Variants in RNF121 observed in about 807,000 individuals in gnomAD.
RNF121 encodes the protein E3 ubiquitin ligase RNF121.
RNF121 carries 21 observed loss-of-function variants against 46.5 expected under a neutral mutation model. The ratio of observed to expected loss-of-function variants is 0.45; its 90% CI spans 0.32 to 0.65. The LOEUF is 0.65. RNF121 is among the 30% of genes least tolerant of loss of function. The pLI, the probability that RNF121 is intolerant of heterozygous loss-of-function variation, is 0.04. For missense variants in RNF121, 346 were observed against 416.0 expected (o/e 0.83, Z 1.46); for synonymous variants, 139 against 144.7 (o/e 0.96, Z 0.28).
intron 5 of RNF121, among the ~76,000 whole-genome samples, chr11:71,990,146 T>A (rs1240397896): frequency 6.6e-6 from 1 of 152,196 alleles, no homozygotes; most frequent in African/African-American, 2.4e-5. Context: ...GATTCTGGCA[T>A]GCCCTTTCCT....
intron 3 of RNF121, among the ~76,000 whole-genome samples, chr11:71,979,406 TTCTC>T (rs1308329871): frequency 1.3e-5 from 2 of 152,144 alleles, no homozygotes; most frequent in Non-Finnish European, 1.5e-5. Context: ...TTTTCTCCCT[TTCTC>T]TCTCTCCTCT....
intron 1 of RNF121, among the ~76,000 whole-genome samples, chr11:71,941,229 G>C (rs577499108): frequency 1.3e-5 from 2 of 152,246 alleles, no homozygotes; most frequent in Non-Finnish European, 2.9e-5. Flanking sequence ...TTAGGAGCGA[G>C]ATGATGCGGA....
At chr11:71,957,456 C>T (rs539923276) in intron 2 of RNF121, among the ~76,000 whole-genome samples, 192 bp downstream of exon 2, 81 of 152,276 alleles carry the variant, frequency 5.3e-4, no homozygotes, top group Non-Finnish European at 9.4e-4. Context: ...CAGATGATTG[C>T]ACCAAATCAT....
intron 3 of RNF121, among the ~76,000 whole-genome samples, chr11:71,966,870 G>GT (rs11309406): frequency 5.3e-4 from 70 of 130,888 alleles, no homozygotes; most frequent in African/African-American, 1.7e-3. Flanking sequence ...TGGGTTTTTT[G>GT]TTTTTTTTTT....
At chr11:71,939,379 TC>T (rs1464236088) in intron 1 of RNF121, 1 of 156,650 alleles carries the variant, frequency 6.4e-6, no homozygotes, top group Non-Finnish European at 1.4e-5. Context: ...GTGACATCTT[TC>T]AGATACTTTG....
At chr11:71,938,100 A>T (rs1953464248) in intron 1 of RNF121, among the ~76,000 whole-genome samples, 1 of 152,092 alleles carries the variant, frequency 6.6e-6, no homozygotes, top group African/African-American at 2.4e-5. Flanking sequence ...CCTTTCACAG[A>T]GTGTTATCAA....
intron 2 of RNF121, among the ~76,000 whole-genome samples, chr11:71,959,796 C>T (rs1036250561): frequency 3.0e-4 from 45 of 152,158 alleles, no homozygotes; most frequent in African/African-American, 1.0e-3. Context: ...CCACCACACC[C>T]GGCTAATTTT....
At chr11:71,970,881 C>A (rs1954406338) in intron 3 of RNF121, among the ~76,000 whole-genome samples, 1 of 152,020 alleles carries the variant, frequency 6.6e-6, no homozygotes, top group African/African-American at 2.4e-5. Context: ...GGACAAAATG[C>A]AGATCTCAGA....
At chr11:71,972,228 A>G (rs1954436222) in intron 3 of RNF121, among the ~76,000 whole-genome samples, 1 of 152,208 alleles carries the variant, frequency 6.6e-6, no homozygotes, top group African/African-American at 2.4e-5. Flanking sequence ...TGTGAAGCAC[A>G]TTAGAATGTC....
chr11:71,968,068 C>CTT (rs11377249), intron 3 of RNF121, among the ~76,000 whole-genome samples: 4,022 of 148,610 alleles, frequency 0.027, 173 homozygotes, highest in African/African-American at 0.092. Flanking sequence ...TATGAACGAT[C>CTT]TTTTTTTTTT....
chr11:71,950,090 G>C (rs1469913358), intron 1 of RNF121, among the ~76,000 whole-genome samples: 4 of 152,024 alleles, frequency 2.6e-5, no homozygotes, highest in Non-Finnish European at 5.9e-5. Flanking sequence ...GAATTCTCTA[G>C]CTGTATAGTT....
chr11:71,935,002 A>C (rs1218464261), intron 1 of RNF121, among the ~76,000 whole-genome samples: 1 of 144,354 alleles, frequency 6.9e-6, no homozygotes, highest in Non-Finnish European at 1.5e-5. Flanking sequence ...AGTACAGTAG[A>C]GTGATCTTTG....
In RNF121 at chr11:71,990,451, A is replaced by C. The variant is rs570097798; in HGVS notation, c.507-146A>C. ...CATGGGCCATATAAAAATAGACAGCAGACTGGATTTGGTCATAGTTTGCCC... is the reference window on the plus strand; with the variant it reads ...CATGGGCCATATAAAAATAGACAGCCGACTGGATTTGGTCATAGTTTGCCC... On this transcript the variant is annotated intron_variant, in intron 5 of 8. Coordinates refer to ENST00000361756, the MANE Select transcript of RNF121 (RefSeq NM_018320.5). 2.8e-4 allele frequency: 257 copies of C among 923,638 alleles called. 2 individuals are homozygous for C. The South Asian group carries it at 4.0e-3, about 14-fold the overall frequency. 57.2% of individuals were successfully genotyped at this position (923,638 alleles called of 1,614,324 possible).
At chr11:71,995,867 T>G (rs944760974) in intron 8 of RNF121, among the ~76,000 whole-genome samples, 7 of 152,180 alleles carry the variant, frequency 4.6e-5, no homozygotes, top group African/African-American at 1.7e-4. Context: ...TCCCTGCATG[T>G]TAGTCATGGG....
intron 1 of RNF121, among the ~76,000 whole-genome samples, chr11:71,952,069 G>A (rs1204386198): frequency 6.6e-6 from 1 of 152,188 alleles, no homozygotes; most frequent in Non-Finnish European, 1.5e-5. Context: ...TAGAAACAAT[G>A]CCTACATTCA....
At chr11:71,946,122 G>A (rs973178166) in intron 1 of RNF121, among the ~76,000 whole-genome samples, 1 of 150,658 alleles carries the variant, frequency 6.6e-6, no homozygotes, top group Non-Finnish European at 1.5e-5. Context: ...AAAAAGAAAA[G>A]AAAAGAAAAG....
chr11:71,972,712 A>G (rs1460277688), intron 3 of RNF121, among the ~76,000 whole-genome samples: 1 of 152,000 alleles, frequency 6.6e-6, no homozygotes, highest in Non-Finnish European at 1.5e-5. Context: ...AGACTGCCAA[A>G]TGTCCCCTGG....
chr11:71,972,836 T>TATC (rs1035683199), intron 3 of RNF121, among the ~76,000 whole-genome samples: 6 of 152,016 alleles, frequency 3.9e-5, no homozygotes, highest in African/African-American at 1.2e-4. Context: ...CACTGAGAAG[T>TATC]ATCACATTAC....
intron 1 of RNF121, among the ~76,000 whole-genome samples, chr11:71,930,644 T>A (rs1953257036): frequency 1.3e-5 from 2 of 152,170 alleles, no homozygotes; most frequent in Admixed American, 6.5e-5. Flanking sequence ...TGATTACAGT[T>A]GGCTGTGGTT....
Sources: allele counts gnomAD v4.1 joint callset (sites outside exome capture counted in the v4.1 genomes callset), GRCh38; gene constraint gnomAD v4.1.1; transcripts MANE v1.5; gene names NCBI Gene and HGNC (gene_info 2026-07-23, HGNC 2026-07-21).